The following FBXO11 variants were observed in gnomAD, a reference collection of about 807,000 sequenced individuals.
The protein encoded by FBXO11 is F-box protein 11.
A neutral mutation model predicts 117.0 loss-of-function variants in FBXO11; 13 were observed. The ratio of observed to expected loss-of-function variants is 0.11; its 90% CI spans 0.07 to 0.18. The LOEUF is 0.18. FBXO11 is among the 10% of genes least tolerant of loss of function. The pLI, the probability that FBXO11 is intolerant of heterozygous loss-of-function variation, is 1.00. For synonymous variants in FBXO11, 490 were observed against 380.5 expected (o/e 1.29, Z -3.35); for missense variants, 767 against 1,164.4 (o/e 0.66, Z 4.97).
At chr2:47,839,333 G>T in intron 3 of FBXO11, 86 bp downstream of exon 3, 3 of 1,230,016 alleles carry the variant, frequency 2.4e-6, no homozygotes, top group Middle Eastern at 1.9e-4. Context: ...GGTAATACTC[G>T]AATACACTTA....
chr2:47,841,463 A>G (rs1168795798), intron 1 of FBXO11, among the ~76,000 whole-genome samples: 1 of 152,172 alleles, frequency 6.6e-6, no homozygotes, highest in Non-Finnish European at 1.5e-5. Flanking sequence ...TATATCTCCT[A>G]TACCACTACC....
At chr2:47,828,244 G>A (rs1014252774) in intron 11 of FBXO11, among the ~76,000 whole-genome samples, 6 of 152,076 alleles carry the variant, frequency 3.9e-5, no homozygotes, top group South Asian at 2.1e-4. Context: ...ACCTCCCGAA[G>A]TGCTGGGATT....
chr2:47,831,885 T>G (rs913525942), intron 11 of FBXO11, among the ~76,000 whole-genome samples: 1 of 152,192 alleles, frequency 6.6e-6, no homozygotes, highest in Admixed American at 6.5e-5. Context: ...TCAAGAGGAA[T>G]TAAATGAAAA....
intron 1 of FBXO11, among the ~76,000 whole-genome samples, chr2:47,870,154 C>T (rs1675518132): frequency 6.6e-6 from 1 of 152,262 alleles, no homozygotes. Context: ...GAGTGTCTCT[C>T]TCTCTCCCTA....
chr2:47,859,809 G>C (rs567785437), intron 1 of FBXO11, among the ~76,000 whole-genome samples: 8 of 152,280 alleles, frequency 5.3e-5, no homozygotes, highest in South Asian at 2.1e-4. Context: ...CATATTATAA[G>C]ATAATCATTA....
rs1419256893 is a variant in FBXO11 at position 47,823,316 on chromosome 2, G to C, written c.1443C>G (p.Gly481=). The change falls in exon 12 of 23, where the codon GGC becomes GGG. Residue 481 remains glycine (G), a synonymous_variant. Coordinates refer to ENST00000403359, the MANE Select transcript of FBXO11 (RefSeq NM_001190274.2). ...GGTTAGCATAGGCTTTTACTTCAAAGCCTGCTATCCTATTTCTGTGTATAT... is the reference window on the plus strand; with the variant it reads ...GGTTAGCATAGGCTTTTACTTCAAACCCTGCTATCCTATTTCTGTGTATAT... ...SCNIHRNRIA[G]FEVKAYANPT... 6.2e-7 allele frequency: 1 copy of C among 1,613,488 alleles called. No individual in the cohort carries two copies. The highest frequency in any genetic ancestry group is 8.5e-7 in the Non-Finnish European group (1 of 1,179,760).
intron 1 of FBXO11, among the ~76,000 whole-genome samples, chr2:47,867,956 C>G (rs980071900): frequency 2.6e-5 from 4 of 151,894 alleles, no homozygotes; most frequent in Admixed American, 2.0e-4. Context: ...ATGGGCCAAA[C>G]AGTTAGCAAG....
intron 1 of FBXO11, among the ~76,000 whole-genome samples, chr2:47,897,699 A>AC (rs1275590750): frequency 9.7e-6 from 1 of 102,856 alleles, no homozygotes; most frequent in Non-Finnish European, 2.2e-5. Flanking sequence ...TGTGTCTTAA[A>AC]CCAAAAAAAA....
intron 13 of FBXO11, among the ~76,000 whole-genome samples, chr2:47,821,614 GAAAA>G (rs1287814389): frequency 2.8e-5 from 3 of 109,012 alleles, no homozygotes; most frequent in South Asian, 3.0e-4. Flanking sequence ...CGTCTCAAAA[GAAAA>G]AAAAAAAAAA....
intron 1 of FBXO11, among the ~76,000 whole-genome samples, chr2:47,861,810 G>A (rs1007313782): frequency 2.6e-5 from 4 of 152,262 alleles, no homozygotes; most frequent in Admixed American, 6.5e-5. Context: ...GGTCCTTAAG[G>A]AGAACTAACC....
chr2:47,856,275 T>C (rs1674286325), intron 1 of FBXO11, among the ~76,000 whole-genome samples: 1 of 152,112 alleles, frequency 6.6e-6, no homozygotes, highest in South Asian at 2.1e-4. Context: ...CACAGAGACT[T>C]ATAAAGTTAA....
At chr2:47,904,059 G>A (rs1028305075) in intron 1 of FBXO11, among the ~76,000 whole-genome samples, 1 of 152,186 alleles carries the variant, frequency 6.6e-6, no homozygotes, top group East Asian at 1.9e-4. Flanking sequence ...ACTGGTGAAA[G>A]CCTTTTAAAC....
At chr2:47,836,925 A>G in intron 4 of FBXO11, 1 of 378,466 alleles carries the variant, frequency 2.6e-6, no homozygotes, top group Non-Finnish European at 5.1e-6. Flanking sequence ...TTTTGTAGAA[A>G]TGAGGTCCCA....
intron 1 of FBXO11, among the ~76,000 whole-genome samples, chr2:47,872,960 C>T (rs929132054): frequency 2.6e-5 from 4 of 151,730 alleles, no homozygotes; most frequent in East Asian, 1.9e-4. Context: ...CTATAACCCA[C>T]ATTAAAAAAA....
rs189150296 is a variant in FBXO11 at position 47,850,449 on chromosome 2, G to A, written c.233-10680C>T. Among the ~76,000 whole-genome samples the A allele has an allele frequency of 5.9e-5, 9 of 152,318 alleles. No individual in the cohort carries two copies. The East Asian group carries it at 9.6e-4, about 16-fold the overall frequency. Reference sequence around the variant, plus strand: ...ACACTACACTAGGAATGGGGAGTCAGAAAGCATAGACTAGCTATCATAGCT... The same window carrying A: ...ACACTACACTAGGAATGGGGAGTCAAAAAGCATAGACTAGCTATCATAGCT... On this transcript the variant is annotated intron_variant, in intron 1 of 22. Coordinates refer to ENST00000403359, the MANE Select transcript of FBXO11 (RefSeq NM_001190274.2).
intron 1 of FBXO11, among the ~76,000 whole-genome samples, chr2:47,877,608 G>A (rs1480091021): frequency 6.6e-6 from 1 of 152,058 alleles, no homozygotes; most frequent in Non-Finnish European, 1.5e-5. Context: ...ATCTTTGTGT[G>A]CTTACCTTAC....
chr2:47,846,501 T>G (rs1403787264), intron 1 of FBXO11, among the ~76,000 whole-genome samples: 1 of 152,144 alleles, frequency 6.6e-6, no homozygotes, highest in Non-Finnish European at 1.5e-5. Flanking sequence ...TGGTTTTCAT[T>G]TTTATATCTA....
At chr2:47,840,574 C>T (rs1031936331) in intron 1 of FBXO11, among the ~76,000 whole-genome samples, 4 of 151,236 alleles carry the variant, frequency 2.6e-5, no homozygotes, top group African/African-American at 9.7e-5. Flanking sequence ...CCTCAGTATC[C>T]CAAGCAGCTG....
intron 1 of FBXO11, among the ~76,000 whole-genome samples, chr2:47,854,634 T>C (rs1263355994): frequency 5.3e-5 from 8 of 152,122 alleles, no homozygotes; most frequent in Admixed American, 2.0e-4. Flanking sequence ...TCTCAAAGCA[T>C]AAATTAATTA....
Sources: gnomAD v4.1 joint callset for allele counts (sites outside exome capture counted in the v4.1 genomes callset) on GRCh38, gnomAD v4.1.1 for gene constraint, MANE v1.5 for transcripts, NCBI Gene and HGNC (gene_info 2026-07-23, HGNC 2026-07-21) for gene names.